ANKFY1: variants seen among roughly 807,000 people sequenced by gnomAD.
ANKFY1 encodes the protein ankyrin repeat and FYVE domain-containing protein 1.
A neutral mutation model predicts 128.3 loss-of-function variants in ANKFY1; 47 were observed. The ratio of observed to expected loss-of-function variants is 0.37; its 90% CI spans 0.29 to 0.47. The LOEUF (loss-of-function observed/expected upper bound fraction) is 0.47. ANKFY1 is among the 20% of genes least tolerant of loss of function. ANKFY1 has a pLI of 1.00. For synonymous variants in ANKFY1, 553 were observed against 601.6 expected, an observed-to-expected ratio of 0.92 and a Z score of 1.18; for missense variants, 1,222 against 1,510.6, an observed-to-expected ratio of 0.81 and a Z score of 3.17.
intron 17 of ANKFY1, 98 bp downstream of exon 17, chr17:4,179,623 G>T: frequency 6.8e-7 from 1 of 1,462,362 alleles, no homozygotes; most frequent in Non-Finnish European, 9.2e-7. Flanking sequence ...AAGCAGCAGC[G>T]CCTGGAACTG....
Position 4,172,597 on chromosome 17 carries a change from G to C in ANKFY1, c.3098C>G (p.Pro1033Arg), listed in dbSNP as rs1598006644. Residue 1033 changes from proline to arginine, a missense_variant, in exon 22 of 25, where the codon CCG becomes CGG. Physicochemically the swap from Pro to Arg is moderately radical, Grantham distance 103. Coordinates refer to ENST00000341657, the MANE Select transcript of ANKFY1 (RefSeq NM_001330063.2). ...AIFDLFLECM[P>R]GYPLDKPDAD... ...ATCCGGCTTGTCCAGAGGATACCCC[G>C]GCATGCATTCTAGGAAGAGATCAAA... 1.9e-6 allele frequency: 3 copies of C among 1,613,986 alleles called. No individual in the cohort carries two copies. The highest frequency in any genetic ancestry group is 2.5e-6 in the Non-Finnish European group (3 of 1,179,950).
In ANKFY1 at chr17:4,178,789, ATC is replaced by A. The variant is rs1488985478; in HGVS notation, c.2598+66_2598+67del. On this transcript the variant is annotated intron_variant, in intron 18 of 24. Coordinates refer to ENST00000341657, the MANE Select transcript of ANKFY1 (RefSeq NM_001330063.2). This position sits in a 1 kb window ranked among gnomAD's most constrained non-coding sequence, Gnocchi z 4.1. ...TGAGGAGACCTGTTTAGTCGGTGAC[ATC>A]TGTCTAGTCTCCAGGTTCCGCGACG... The A allele has an allele frequency of 1.4e-6, 2 of 1,463,956 alleles. No homozygotes were observed. Among genetic ancestry groups the A allele is most frequent in the Non-Finnish European group, 1.9e-6 (2 of 1,050,776 alleles). The allele number at this position is 1,463,956 out of a possible 1,614,324, so 90.7% of individuals were successfully genotyped here.
intron 2 of ANKFY1, among the ~76,000 whole-genome samples, chr17:4,240,268 G>A (rs1257498290): frequency 6.6e-6 from 1 of 151,344 alleles, no homozygotes; most frequent in Non-Finnish European, 1.5e-5. Context: ...GTTTCACCAT[G>A]TTAGCCAGGC....
At chr17:4,168,682 T>G (rs561679440) in intron 24 of ANKFY1, 1 of 152,184 alleles carries the variant, frequency 6.6e-6, no homozygotes, top group South Asian at 2.1e-4. Flanking sequence ...CCCAGCTAAT[T>G]TTTGTATTTT....
rs773549616 is a variant in ANKFY1 at position 4,181,266 on chromosome 17, A to G, written c.2228T>C (p.Phe743Ser). Residue 743 changes from phenylalanine to serine, a missense_variant, in exon 16 of 25, where the codon TTT (phenylalanine) becomes TCT (serine). Transcript: ENST00000341657. This position sits in a 1 kb window ranked among gnomAD's most constrained non-coding sequence, Gnocchi z 4.9. Reference protein sequence around the residue: ...IDENNEPTACFLIRSGCDVNS... With the variant: ...IDENNEPTACSLIRSGCDVNS... ...GGGACTCTCAGACCTGCGAATAAGA[A>G]AGCAGGCGGTGGGCTCGTTGTTTTC... The G allele has an allele frequency of 1.2e-6, 2 of 1,613,712 alleles. No individual in the cohort carries two copies.
In ANKFY1 at chr17:4,250,713, G is replaced by A. The variant is rs183322922; in HGVS notation, c.11-8265C>T. 2.4e-4 allele frequency among the ~76,000 whole-genome samples: 37 copies of A among 152,160 alleles called. No homozygotes were observed. The East Asian group carries it at 6.0e-3, about 25-fold the overall frequency. ...AACAGGGTCTCCCTCTGTCACCCAG[G>A]CTGGGGTGCAGTGTCCTGATCATAA... On this transcript the variant is annotated intron_variant, in intron 1 of 24. Transcript: ENST00000341657.
intron 24 of ANKFY1, chr17:4,168,112 G>T: frequency 4.1e-5 from 17 of 416,824 alleles, no homozygotes; most frequent in Non-Finnish European, 6.1e-5. Context: ...CAATCATCAA[G>T]TTAAAGCAAT....
At chr17:4,176,287 G>A (rs142270636) in intron 19 of ANKFY1, among the ~76,000 whole-genome samples, 13 of 152,186 alleles carry the variant, frequency 8.5e-5, no homozygotes, top group Non-Finnish European at 1.5e-5. Flanking sequence ...ACACCAAGGC[G>A]CCAAAGGCTG....
chr17:4,206,373 C>T lies in ANKFY1; in HGVS notation c.846G>A (p.Val282=), dbSNP rs1264896154. Residue 282 remains valine, a synonymous_variant, in exon 7 of 25, where the codon GTG becomes GTA. Coordinates refer to ENST00000341657, the MANE Select transcript of ANKFY1 (RefSeq NM_001330063.2). The part of the protein sequence containing the change: ...ATTLVSHKAD[V]DMVDKSGWSL... ...TCCAGCCACTCTTGTCCACCATGTC[C>T]ACATCAGCTTTGTGACTAACCAGCG... is the stretch of plus-strand genomic sequence containing the variant. 2 of 1,614,200 alleles carry T rather than the reference C, an allele frequency of 1.2e-6. No homozygotes were observed. The highest frequency in any genetic ancestry group is 1.7e-6 in the Non-Finnish European group (2 of 1,180,030).
At chr17:4,170,579 G>T in intron 23 of ANKFY1, 136 bp downstream of exon 23, 1 of 1,232,912 alleles carries the variant, frequency 8.1e-7, no homozygotes, top group Non-Finnish European at 1.1e-6. Context: ...TCAGAGAAAT[G>T]GTCCCAGCTA....
Position 4,169,634 on chromosome 17 carries a change from G to A in ANKFY1, c.3287-346C>T, listed in dbSNP as rs1027325757. On this transcript the variant is annotated intron_variant, in intron 23 of 24. Coordinates refer to ENST00000341657, the MANE Select transcript of ANKFY1 (RefSeq NM_001330063.2). This position sits in a 1 kb window ranked among gnomAD's most constrained non-coding sequence, Gnocchi z 5.0. ...TAGACAAACTGGCCAGGGGAACAGA[G>A]GATGGGACTAAGACAAGAGAAATTG... is the stretch of plus-strand genomic sequence containing the variant. 1.3e-5 allele frequency among the ~76,000 whole-genome samples: 2 copies of A among 152,182 alleles called. No individual in the cohort carries two copies. Among genetic ancestry groups the A allele is most frequent in the African/African-American group, 4.8e-5 (2 of 41,428 alleles).
At position 4,235,880 on chromosome 17, in the gene ANKFY1, T is replaced by C. The variant is rs376917885; in HGVS notation, c.214A>G (p.Ile72Val). ...CTGATGTGCCTGTCCCCAACCTTTA[T>C]CTTCAGATCGCTGATGAAGAAAAAG... ...YEQEQYSDLK[I>V]KVGDRHISAH... Residue 72 changes from isoleucine (I) to valine (V), a missense_variant, in exon 3 of 25, where the codon ATA (isoleucine) becomes GTA (valine). Transcript: ENST00000341657. 20 of 1,612,858 alleles carry C rather than the reference T, an allele frequency of 1.2e-5. No homozygotes were observed. The highest frequency in any genetic ancestry group is 1.5e-5 in the Non-Finnish European group (18 of 1,179,036).
intron 3 of ANKFY1, among the ~76,000 whole-genome samples, chr17:4,227,072 A>G (rs1660110568): frequency 6.6e-6 from 1 of 152,222 alleles, no homozygotes; most frequent in Non-Finnish European, 1.5e-5. Context: ...ATATTTTAAA[A>G]ATTTGTTTTC....
intron 2 of ANKFY1, 90 bp downstream of exon 2, chr17:4,242,166 A>C: frequency 7.8e-7 from 1 of 1,289,706 alleles, no homozygotes; most frequent in Non-Finnish European, 1.0e-6. Flanking sequence ...ATTAGAGATA[A>C]ATAAATTTTG....
rs1436257450 is a variant in ANKFY1, at chr17:4,195,067, A to G, written c.1283T>C (p.Val428Ala). Reference protein sequence around the residue: ...QSVNPFEDVPVVNGTSFDENS... With the variant: ...QSVNPFEDVPAVNGTSFDENS... ...CTCATCAAATGAAGTCCCATTTACC[A>G]CGGGGACATCTTCGAAGGGGTTCAC... The change falls in exon 10 of 25, where the codon GTG (valine) becomes GCG (alanine). Residue 428 changes from valine (V) to alanine (A), a missense_variant. By Grantham distance (64) the Val-to-Ala change is moderately conservative (BLOSUM62 0). Transcript: ENST00000341657. 1 of 1,614,164 alleles carries G rather than the reference A, an allele frequency of 6.2e-7. No homozygotes were observed. Among genetic ancestry groups the G allele is most frequent in the Admixed American group, 1.7e-5 (1 of 60,014 alleles).
chr17:4,173,537 G>C, intron 20 of ANKFY1, 93 bp from the exon 21 acceptor site: 1 of 1,226,766 alleles, frequency 8.2e-7, no homozygotes, highest in Non-Finnish European at 1.2e-6. Flanking sequence ...CTGTAAATGG[G>C]ACCCGGCCAC....
intron 7 of ANKFY1, among the ~76,000 whole-genome samples, chr17:4,204,466 C>T (rs1371200832): frequency 6.6e-6 from 1 of 152,202 alleles, no homozygotes; most frequent in Non-Finnish European, 1.5e-5. Context: ...ATATGCAACA[C>T]TCTAAAGTTA....
In ANKFY1 at chr17:4,229,292, C is replaced by T. The variant is rs551225490; in HGVS notation, c.322+6480G>A. ...TACAAAAATTAGCCAGGCGTGGTGG[C>T]GGGCACCTGTAATCCCAGCTACTCA... On this transcript the variant is annotated intron_variant, in intron 3 of 24. Transcript: ENST00000341657. Among the ~76,000 whole-genome samples the T allele has an allele frequency of 1.6e-3, 248 of 151,972 alleles. 1 individual carries two copies. The highest frequency in any genetic ancestry group is 5.1e-3 in the African/African-American group (212 of 41,430).
intron 19 of ANKFY1, among the ~76,000 whole-genome samples, chr17:4,175,540 G>A (rs2059397427): frequency 1.3e-5 from 2 of 152,160 alleles, no homozygotes; most frequent in Admixed American, 1.3e-4. Context: ...CTGCTGAGGT[G>A]TATGGCCACC....
Sources: gnomAD v4.1 joint callset for allele counts (sites outside exome capture counted in the v4.1 genomes callset) on GRCh38, gnomAD v4.1.1 for gene constraint, Gnocchi (gnomAD v3.1) non-coding constraint, MANE v1.5 for transcripts, NCBI Gene and HGNC (gene_info 2026-07-23, HGNC 2026-07-21) for gene names.